The following DOCK3 variants were observed in gnomAD, a reference collection of about 807,000 sequenced individuals.
DOCK3 encodes dedicator of cytokinesis protein 3.
DOCK3 carries 60 observed loss-of-function variants against 265.6 expected under a neutral mutation model. The observed-to-expected ratio is 0.23, with a 90% CI of 0.18 to 0.28. The LOEUF (loss-of-function observed/expected upper bound fraction) is 0.28. Among genes scored for constraint, DOCK3 ranks in the 10% least tolerant of loss-of-function variants. DOCK3 has a pLI of 1.00. For missense variants in DOCK3, 1,981 were observed against 2,594.3 expected (o/e 0.76, Z 5.14); for synonymous variants, 881 against 938.0 (o/e 0.94, Z 1.11).
intron 22 of DOCK3, among the ~76,000 whole-genome samples, chr3:51,252,274 A>G (rs988590948): frequency 6.6e-6 from 1 of 152,196 alleles, no homozygotes; most frequent in African/African-American, 2.4e-5. Context: ...GCCTTGTAGT[A>G]TAGTTTGAAG....
rs899410726 is a variant in DOCK3 at position 51,374,173 on chromosome 3, C to A, written c.5294-296C>A. The stretch of plus-strand genomic sequence containing the variant: ...CTTGATGCAGGGAGCCCCTAGCCAC[C>A]CTGCTCCAGTTCTTAACTCTCCTCA... On this transcript the variant is annotated intron_variant, in intron 49 of 52. Transcript: ENST00000266037. This position sits in a 1 kb window ranked among gnomAD's most constrained non-coding sequence, Gnocchi z 4.8. Among the ~76,000 whole-genome samples the A allele has an allele frequency of 3.9e-5, 6 of 152,156 alleles. No homozygotes were observed. The highest frequency in any genetic ancestry group is 1.2e-4 in the African/African-American group (5 of 41,418).
chr3:51,121,356 G>C (rs752481458), intron 9 of DOCK3, among the ~76,000 whole-genome samples: 1 of 152,126 alleles, frequency 6.6e-6, no homozygotes, highest in Non-Finnish European at 1.5e-5. Flanking sequence ...GATGAACCTA[G>C]TACCTCAATT....
rs369286331 is a variant in DOCK3, at chr3:50,709,500, A to G, written c.37+34200A>G. 2.1e-4 allele frequency among the ~76,000 whole-genome samples: 32 copies of G among 152,196 alleles called. No individual in the cohort carries two copies. In the South Asian group the frequency reaches 6.2e-3, roughly 30 times the overall value. On this transcript the variant is annotated intron_variant, in intron 1 of 52. Coordinates refer to ENST00000266037, the MANE Select transcript of DOCK3 (RefSeq NM_004947.5). ...AGGGGAAAGCGTTCAGTCCTTCACC[A>G]TTAATTATAGTATTAGCCATGATTT...
At chr3:50,968,552 A>ATTTT (rs2077100144) in intron 5 of DOCK3, among the ~76,000 whole-genome samples, 1 of 135,534 alleles carries the variant, frequency 7.4e-6, no homozygotes. Context: ...CTATGATTTC[A>ATTTT]ATTTTTTTTT....
chr3:51,191,926 T>C (rs1265820175), intron 12 of DOCK3, among the ~76,000 whole-genome samples: 1 of 151,324 alleles, frequency 6.6e-6, no homozygotes, highest in Admixed American at 6.6e-5. Flanking sequence ...ATTAGTCCCT[T>C]GTTGTACAAG....
intron 1 of DOCK3, among the ~76,000 whole-genome samples, chr3:50,709,242 G>A (rs1258342446): frequency 2.0e-5 from 3 of 152,112 alleles, no homozygotes; most frequent in Non-Finnish European, 4.4e-5. Context: ...TATTGATCAT[G>A]TGTCCTGCAA....
At position 50,675,375 on chromosome 3, in the gene DOCK3, C is replaced by T. The variant is rs1349715064; in HGVS notation, c.37+75C>T. ...CAGCTCCCGGCCCCGCCTGGATTCGCATCCTCGTGCCCCCGCCACTGCCCG... is the reference window on the plus strand; with the variant it reads ...CAGCTCCCGGCCCCGCCTGGATTCGTATCCTCGTGCCCCCGCCACTGCCCG... On this transcript the variant is annotated intron_variant, in intron 1 of 52. Coordinates refer to ENST00000266037, the MANE Select transcript of DOCK3 (RefSeq NM_004947.5). This position sits in a 1 kb window ranked among gnomAD's most constrained non-coding sequence, Gnocchi z 6.1. The T allele has an allele frequency of 3.5e-6, 4 of 1,138,926 alleles. No homozygotes were observed. The highest frequency in any genetic ancestry group is 4.4e-6 in the Non-Finnish European group (4 of 912,546). The allele number at this position is 1,138,926 out of a possible 1,614,324, so 70.6% of individuals were successfully genotyped here.
At chr3:50,874,006 G>C (rs1033335806) in intron 3 of DOCK3, among the ~76,000 whole-genome samples, 8 of 145,724 alleles carry the variant, frequency 5.5e-5, no homozygotes, top group African/African-American at 2.0e-4. Flanking sequence ...ATCGGATGCT[G>C]TAAGTACTTG....
intron 1 of DOCK3, among the ~76,000 whole-genome samples, chr3:50,732,724 T>A (rs1453637016): frequency 6.6e-6 from 1 of 152,200 alleles, no homozygotes; most frequent in African/African-American, 2.4e-5. Flanking sequence ...AAAAATGAAT[T>A]ACGTATTTCT....
intron 49 of DOCK3, among the ~76,000 whole-genome samples, chr3:51,366,200 C>T (rs1196909526): frequency 2.0e-5 from 3 of 152,166 alleles, no homozygotes; most frequent in Admixed American, 6.5e-5. Flanking sequence ...TCAACTTCTT[C>T]CTGGTTTAGT....
At position 51,068,339 on chromosome 3, in the gene DOCK3, G is replaced by GGTTA. The variant is rs2081686901; in HGVS notation, c.464+3743_464+3744insGTTA. Among the ~76,000 whole-genome samples the GGTTA allele has an allele frequency of 2.6e-5, 4 of 152,054 alleles. No individual in the cohort carries two copies. In the South Asian group the frequency reaches 8.3e-4, roughly 32 times the overall value. On this transcript the variant is annotated intron_variant, in intron 6 of 52. Coordinates refer to ENST00000266037, the MANE Select transcript of DOCK3 (RefSeq NM_004947.5). ...GCAGATCACGAGGTCAAGAGATCGAGACCATCCTGGCTAACACGGTGAAAC... is the reference window on the plus strand; with the variant it reads ...GCAGATCACGAGGTCAAGAGATCGAGGTTAACCATCCTGGCTAACACGGTGAAAC...
chr3:51,379,364 C>T (rs1237640997), intron 51 of DOCK3: 4 of 982,942 alleles, frequency 4.1e-6, no homozygotes, highest in Middle Eastern at 5.2e-4. Context: ...ACGTGGTGCA[C>T]ACTGGAGAAG....
chr3:51,062,160 G>A (rs2081432968), intron 5 of DOCK3, among the ~76,000 whole-genome samples: 1 of 152,134 alleles, frequency 6.6e-6, no homozygotes. Flanking sequence ...AGAGCACTCA[G>A]AGTGATGCTT....
chr3:50,853,104 A>G (rs2046417156), intron 3 of DOCK3, among the ~76,000 whole-genome samples: 1 of 152,144 alleles, frequency 6.6e-6, no homozygotes, highest in African/African-American at 2.4e-5. Flanking sequence ...TAATTTCCCT[A>G]CTGTACTATC....
At chr3:50,968,073 A>G (rs1397342034) in intron 5 of DOCK3, among the ~76,000 whole-genome samples, 1 of 152,164 alleles carries the variant, frequency 6.6e-6, no homozygotes, top group Non-Finnish European at 1.5e-5. Context: ...CTGAGGAGAG[A>G]TGATATTTCA....
intron 2 of DOCK3, among the ~76,000 whole-genome samples, chr3:50,781,584 T>A (rs887220138): frequency 5.3e-5 from 8 of 152,164 alleles, no homozygotes; most frequent in Non-Finnish European, 1.0e-4. Context: ...ATATAGTAGT[T>A]CTATTTGTAG....
At chr3:50,889,481 C>T (rs1438322261) in intron 3 of DOCK3, among the ~76,000 whole-genome samples, 51 of 148,382 alleles carry the variant, frequency 3.4e-4, no homozygotes, top group Admixed American at 1.6e-3. Context: ...TTTTTAAATA[C>T]GCTACTTATT....
chr3:50,726,153 C>G (rs960722395), intron 1 of DOCK3, among the ~76,000 whole-genome samples: 10 of 152,090 alleles, frequency 6.6e-5, no homozygotes, highest in Admixed American at 6.5e-4. Context: ...GGAATAATGA[C>G]AAGATTTTTA....
intron 25 of DOCK3, among the ~76,000 whole-genome samples, chr3:51,275,759 C>T (rs1026277782): frequency 6.6e-6 from 1 of 152,094 alleles, no homozygotes; most frequent in African/African-American, 2.4e-5. Flanking sequence ...ATTGCTTTTA[C>T]CCATTTTCTT....
Sources: allele counts gnomAD v4.1 joint callset (sites outside exome capture counted in the v4.1 genomes callset), GRCh38; gene constraint gnomAD v4.1.1; non-coding constraint Gnocchi (gnomAD v3.1); transcripts MANE v1.5; gene names NCBI Gene and HGNC (gene_info 2026-07-23, HGNC 2026-07-21).